ROR1: variants seen among roughly 807,000 people sequenced by gnomAD.
The protein encoded by ROR1 is ROR family WNT receptor 1.
In ROR1, 19 loss-of-function variants were observed where a neutral mutation model predicts 78.8. The ratio of observed to expected loss-of-function variants is 0.24; its 90% CI spans 0.17 to 0.35. ROR1 has a LOEUF of 0.35. ROR1 is among the 10% of genes least tolerant of loss of function. The pLI, the probability that ROR1 is intolerant of heterozygous loss-of-function variation, is 1.00. For synonymous variants in ROR1, 386 were observed against 433.6 expected (o/e 0.89, Z 1.36); for missense variants, 917 against 1,177.8 (o/e 0.78, Z 3.24).
intron 1 of ROR1, among the ~76,000 whole-genome samples, chr1:63,948,053 C>A (rs931407010): frequency 3.3e-5 from 5 of 152,120 alleles, no homozygotes. Flanking sequence ...ACAGAGAAAA[C>A]TGCCGCACAG....
intron 1 of ROR1, among the ~76,000 whole-genome samples, chr1:63,817,207 A>C (rs1491002536): frequency 6.6e-6 from 1 of 152,096 alleles, no homozygotes; most frequent in Non-Finnish European, 1.5e-5. Context: ...TTGTGGCTGT[A>C]ATGCTGCCCT....
At chr1:63,809,320 A>G (rs1049643181) in intron 1 of ROR1, among the ~76,000 whole-genome samples, 3 of 152,232 alleles carry the variant, frequency 2.0e-5, no homozygotes, top group Non-Finnish European at 2.9e-5. Context: ...AATGCCATAT[A>G]GAATGTCTGT....
intron 4 of ROR1, among the ~76,000 whole-genome samples, chr1:64,084,320 T>C (rs950022131): frequency 1.3e-5 from 2 of 152,208 alleles, no homozygotes; most frequent in African/African-American, 4.8e-5. Context: ...TGTACAGTGG[T>C]CTTTAGGCGT....
intron 2 of ROR1, among the ~76,000 whole-genome samples, chr1:64,042,465 C>G (rs892869750): frequency 5.3e-5 from 8 of 152,104 alleles, no homozygotes; most frequent in African/African-American, 1.9e-4. Flanking sequence ...GCTCCAGAGC[C>G]CATGCTCTTG....
At position 63,969,323 on chromosome 1, in the gene ROR1, TC is replaced by T. The variant is rs538827349; in HGVS notation, c.92-39979del. 3.7e-3 allele frequency among the ~76,000 whole-genome samples: 557 copies of T among 152,310 alleles called. 5 individuals are homozygous for T. The highest frequency in any genetic ancestry group is 0.013 in the African/African-American group (532 of 41,578). ...TCTTTTCCTTGAATTCTTTGGTTCTTCCCAGTTTGGTCTCAGGCCTTCTCTC... is the reference window on the plus strand; with the variant it reads ...TCTTTTCCTTGAATTCTTTGGTTCTTCCAGTTTGGTCTCAGGCCTTCTCTC... On this transcript the variant is annotated intron_variant, in intron 1 of 8. Coordinates refer to ENST00000371079, the MANE Select transcript of ROR1 (RefSeq NM_005012.4).
At chr1:64,071,389 C>T (rs1342931107) in intron 4 of ROR1, among the ~76,000 whole-genome samples, 1 of 151,998 alleles carries the variant, frequency 6.6e-6, no homozygotes, top group African/African-American at 2.4e-5. Context: ...TGGACCAGGT[C>T]GGGGTAGGTG....
intron 4 of ROR1, among the ~76,000 whole-genome samples, chr1:64,094,130 C>T (rs937129288): frequency 6.6e-6 from 1 of 152,192 alleles, no homozygotes; most frequent in African/African-American, 2.4e-5. Context: ...AAGTCTGACT[C>T]ATAATTCATG....
intron 7 of ROR1, among the ~76,000 whole-genome samples, chr1:64,146,241 C>T (rs932473040): frequency 3.9e-5 from 6 of 152,130 alleles, no homozygotes; most frequent in Non-Finnish European, 7.4e-5. Context: ...TTTGGGAGGC[C>T]GTGGCAGGCA....
At chr1:63,930,998 C>T (rs1035268010) in intron 1 of ROR1, among the ~76,000 whole-genome samples, 4 of 152,120 alleles carry the variant, frequency 2.6e-5, no homozygotes, top group Non-Finnish European at 4.4e-5. Context: ...CACAGAAGGC[C>T]GGATGCAGTG....
chr1:63,931,223 A>C (rs1340342944), intron 1 of ROR1, among the ~76,000 whole-genome samples: 1 of 152,240 alleles, frequency 6.6e-6, no homozygotes, highest in Non-Finnish European at 1.5e-5. Context: ...CGGAGGTTGC[A>C]GTGAGCCGAG....
chr1:64,050,804 C>G, intron 4 of ROR1, 88 bp downstream of exon 4: 4 of 1,268,200 alleles, frequency 3.2e-6, no homozygotes, highest in Non-Finnish European at 4.6e-6. Flanking sequence ...CTTCTTAAGC[C>G]AAAATACTGG....
At chr1:63,860,903 G>T (rs995319092) in intron 1 of ROR1, among the ~76,000 whole-genome samples, 4 of 152,136 alleles carry the variant, frequency 2.6e-5, no homozygotes, top group African/African-American at 9.7e-5. Context: ...CAGTTATGTG[G>T]CCATCCCTTA....
chr1:64,063,307 G>C (rs1038817790), intron 4 of ROR1, among the ~76,000 whole-genome samples: 3 of 151,970 alleles, frequency 2.0e-5, no homozygotes, highest in African/African-American at 7.2e-5. Flanking sequence ...CGTGGTTTAG[G>C]GAGGAGATCT....
intron 1 of ROR1, among the ~76,000 whole-genome samples, chr1:63,905,855 T>C (rs1645523953): frequency 6.6e-6 from 1 of 152,220 alleles, no homozygotes; most frequent in Middle Eastern, 3.2e-3. Flanking sequence ...CTGTAATTTA[T>C]AGCTCAATTC....
At chr1:64,094,569 TTTTTGTTTTGTTTTG>T (rs147122412) in intron 4 of ROR1, 43 of 151,112 alleles carry the variant, frequency 2.8e-4, no homozygotes, top group South Asian at 2.5e-3. Flanking sequence ...TGTTTTGTTG[TTTTTGTTTTGTTTTG>T]TTTTGTTTTG....
chr1:64,162,594 T>C (rs75189258), intron 8 of ROR1, among the ~76,000 whole-genome samples: 3,034 of 149,272 alleles, frequency 0.02, 140 homozygotes, highest in East Asian at 0.2. Flanking sequence ...TCTAGCTTTT[T>C]GCAGTTCAAT....
intron 8 of ROR1, among the ~76,000 whole-genome samples, chr1:64,176,145 T>A (rs1650371901): frequency 6.6e-6 from 1 of 152,230 alleles, no homozygotes; most frequent in African/African-American, 2.4e-5. Context: ...CAATACTTAT[T>A]TTCATTGTGA....
chr1:64,068,588 TAA>T (rs1363580177), intron 4 of ROR1, among the ~76,000 whole-genome samples: 1 of 152,226 alleles, frequency 6.6e-6, no homozygotes, highest in Non-Finnish European at 1.5e-5. Context: ...CCTTAATTTA[TAA>T]AGTCTGTCTC....
At chr1:63,956,759 G>A (rs901108066) in intron 1 of ROR1, among the ~76,000 whole-genome samples, 2 of 152,088 alleles carry the variant, frequency 1.3e-5, no homozygotes, top group African/African-American at 4.8e-5. Context: ...GAAAGAATTC[G>A]AACCTGACTG....
Sources: allele counts gnomAD v4.1 joint callset (sites outside exome capture counted in the v4.1 genomes callset), GRCh38; gene constraint gnomAD v4.1.1; transcripts MANE v1.5; gene names NCBI Gene and HGNC (gene_info 2026-07-23, HGNC 2026-07-21).